Variants in CORIN observed in about 807,000 individuals in gnomAD.
CORIN encodes the protein atrial natriuretic peptide-converting enzyme.
A neutral mutation model predicts 125.3 loss-of-function variants in CORIN; 117 were observed. That is an observed-to-expected ratio of 0.93 (90% CI 0.80 to 1.09). The LOEUF (loss-of-function observed/expected upper bound fraction) is 1.09, where lower values mean the gene tolerates loss of function less well. CORIN is among the 50% of genes least tolerant of loss of function. The pLI is 0.00. For synonymous variants in CORIN, 450 were observed against 466.4 expected (o/e 0.96, Z 0.45); for missense variants, 1,253 against 1,306.7 (o/e 0.96, Z 0.63).
intron 5 of CORIN, among the ~76,000 whole-genome samples, chr4:47,737,952 A>G (rs968296069): frequency 1.3e-5 from 2 of 152,090 alleles, no homozygotes; most frequent in African/African-American, 4.8e-5. Context: ...TTTGACCTGA[A>G]TAAGAGCTTA....
intron 5 of CORIN, among the ~76,000 whole-genome samples, chr4:47,730,017 C>T (rs7661863): frequency 2.0e-5 from 3 of 152,146 alleles, no homozygotes; most frequent in African/African-American, 7.2e-5. Flanking sequence ...TCAATAAAAC[C>T]TTGCACTCAT....
At chr4:47,819,590 C>T (rs1732415931) in intron 1 of CORIN, among the ~76,000 whole-genome samples, 1 of 152,074 alleles carries the variant, frequency 6.6e-6, no homozygotes, top group African/African-American at 2.4e-5. Context: ...CAGCGAGAGA[C>T]ATGAAGGGAA....
At chr4:47,677,641 T>G (rs549853231) in intron 9 of CORIN, among the ~76,000 whole-genome samples, 214 of 152,332 alleles carry the variant, frequency 1.4e-3, no homozygotes, top group African/African-American at 4.9e-3. Context: ...TTTAATTGGA[T>G]GCTATACACT....
intron 10 of CORIN, among the ~76,000 whole-genome samples, chr4:47,673,609 C>T (rs1724871394): frequency 6.6e-6 from 1 of 152,104 alleles, no homozygotes; most frequent in Non-Finnish European, 1.5e-5. Flanking sequence ...TCACTTCCGC[C>T]CATTCTGTCT....
intron 4 of CORIN, among the ~76,000 whole-genome samples, chr4:47,751,442 C>T (rs1350002212): frequency 6.6e-6 from 1 of 152,174 alleles, no homozygotes; most frequent in East Asian, 1.9e-4. Context: ...AAAAATCCGT[C>T]AAATCCATTT....
In CORIN at chr4:47,693,240, C is replaced by T. The variant is rs144788021; in HGVS notation, c.800-157G>A. Among the ~76,000 whole-genome samples, 31 of 152,102 alleles carry T rather than the reference C, an allele frequency of 2.0e-4. No individual in the cohort carries two copies. The East Asian group carries it at 6.0e-3, about 29-fold the overall frequency. On this transcript the variant is annotated intron_variant, in intron 5 of 21. Coordinates refer to ENST00000273857, the MANE Select transcript of CORIN (RefSeq NM_006587.4). The stretch of plus-strand genomic sequence containing the variant: ...TTGTCATCAATTTTTCTTTGGCATC[C>T]TAGCACATTAATTGAAAAATTACCT...
rs147814277 is a variant in CORIN, at chr4:47,715,823, C to T, written c.800-22740G>A. Among the ~76,000 whole-genome samples, 68 of 152,152 alleles carry T rather than the reference C, an allele frequency of 4.5e-4. 1 individual carries two copies. The highest frequency in any genetic ancestry group is 7.2e-4 in the Non-Finnish European group (49 of 67,994). On this transcript the variant is annotated intron_variant, in intron 5 of 21. Coordinates refer to ENST00000273857, the MANE Select transcript of CORIN (RefSeq NM_006587.4). ...ACTGAGGATGAATGTGAAGAAATAC[C>T]TATGCTGCAATATGAGGCAGAGATA...
chr4:47,672,062 G>A (rs1724787398), intron 10 of CORIN, among the ~76,000 whole-genome samples: 2 of 152,218 alleles, frequency 1.3e-5, no homozygotes, highest in Admixed American at 1.3e-4. Flanking sequence ...GGTAAACTGA[G>A]TGTATTTAAA....
chr4:47,764,669 CTA>C (rs1290766503), intron 3 of CORIN, among the ~76,000 whole-genome samples: 1 of 152,080 alleles, frequency 6.6e-6, no homozygotes, highest in Non-Finnish European at 1.5e-5. Context: ...GATCTGAAAC[CTA>C]TGTCTTCTGA....
intron 10 of CORIN, among the ~76,000 whole-genome samples, chr4:47,670,474 G>C (rs1724697680): frequency 6.6e-6 from 1 of 152,114 alleles, no homozygotes; most frequent in Non-Finnish European, 1.5e-5. Flanking sequence ...ACTGAAGCTT[G>C]CAAAGAGAGA....
chr4:47,616,647 T>C (rs1208532018), intron 19 of CORIN, among the ~76,000 whole-genome samples: 1 of 152,180 alleles, frequency 6.6e-6, no homozygotes, highest in Non-Finnish European at 1.5e-5. Flanking sequence ...TTAACAAGCG[T>C]CACTTCTGTA....
intron 16 of CORIN, among the ~76,000 whole-genome samples, chr4:47,631,473 C>A (rs1722803749): frequency 2.0e-5 from 3 of 151,608 alleles, no homozygotes; most frequent in African/African-American, 7.3e-5. Flanking sequence ...GAATCAAATG[C>A]CTGATGATCT....
chr4:47,826,820 T>G (rs1732760824), intron 1 of CORIN, among the ~76,000 whole-genome samples: 1 of 152,204 alleles, frequency 6.6e-6, no homozygotes, highest in African/African-American at 2.4e-5. Flanking sequence ...CCCTGTACCC[T>G]CTAATGCCAT....
chr4:47,820,657 A>C (rs1732468759), intron 1 of CORIN, among the ~76,000 whole-genome samples: 2 of 152,116 alleles, frequency 1.3e-5, no homozygotes, highest in Non-Finnish European at 2.9e-5. Context: ...ACCACTCTGC[A>C]CTTCCGAAAC....
At chr4:47,611,068 G>A (rs1721849406) in intron 19 of CORIN, among the ~76,000 whole-genome samples, 1 of 152,062 alleles carries the variant, frequency 6.6e-6, no homozygotes, top group South Asian at 2.1e-4. Flanking sequence ...GGATTGTCTT[G>A]GCTATATGGG....
chr4:47,789,145 C>CAAAAA (rs1344212069), intron 2 of CORIN, among the ~76,000 whole-genome samples: 156 of 151,978 alleles, frequency 1.0e-3, no homozygotes, highest in African/African-American at 3.7e-3. Flanking sequence ...ACTAAAAATA[C>CAAAAA]AAAATAAAAT....
At chr4:47,786,220 T>C (rs1028870597) in intron 3 of CORIN, among the ~76,000 whole-genome samples, 4 of 152,166 alleles carry the variant, frequency 2.6e-5, no homozygotes, top group African/African-American at 9.7e-5. Context: ...ACATCTGGGC[T>C]AATGGCATTT....
rs1428648175 is a variant in CORIN at position 47,757,890 on chromosome 4, A to ATATACATATATATATG, written c.617+5488_617+5489insCATATATATATGTATA. On this transcript the variant is annotated intron_variant, in intron 4 of 21. Transcript: ENST00000273857. ...TACATATATATATGTATATATATAT[A>ATATACATATATATATG]TATATATATATATATACACAAATAT... Among the ~76,000 whole-genome samples the ATATACATATATATATG allele has an allele frequency of 8.3e-5, 12 of 143,794 alleles. 1 individual carries two copies. Among genetic ancestry groups the ATATACATATATATATG allele is most frequent in the African/African-American group, 2.8e-4 (11 of 39,272 alleles). 94.3% of individuals were successfully genotyped at this position (143,794 alleles called of 152,430 possible).
intron 5 of CORIN, among the ~76,000 whole-genome samples, chr4:47,713,262 T>C (rs922706203): frequency 1.3e-5 from 2 of 152,148 alleles, no homozygotes; most frequent in Non-Finnish European, 2.9e-5. Flanking sequence ...ACGTGAATAA[T>C]GAATAAGACA....
Sources: gnomAD v4.1 joint callset for allele counts (sites outside exome capture counted in the v4.1 genomes callset) on GRCh38, gnomAD v4.1.1 for gene constraint, MANE v1.5 for transcripts, NCBI Gene and HGNC (gene_info 2026-07-23, HGNC 2026-07-21) for gene names.